DISC1: variants seen among roughly 807,000 people sequenced by gnomAD.
DISC1 encodes the protein DISC1 scaffold protein.
In DISC1, 57 loss-of-function variants were observed where a neutral mutation model predicts 84.5. That is an observed-to-expected ratio of 0.67 (90% CI 0.55 to 0.84). The LOEUF is 0.84. DISC1 is among the 40% of genes least tolerant of loss of function. The pLI, the probability that DISC1 is intolerant of heterozygous loss-of-function variation, is 0.00. For missense variants in DISC1, 1,000 were observed against 1,057.8 expected (o/e 0.95, Z 0.76); for synonymous variants, 411 against 415.2 (o/e 0.99, Z 0.12).
Position 231,626,842 on chromosome 1 carries a change from A to C in DISC1, c.-26A>C. 7.0e-7 allele frequency: 1 copy of C among 1,431,766 alleles called. No individual in the cohort carries two copies. Among genetic ancestry groups the C allele is most frequent in the Non-Finnish European group, 9.1e-7 (1 of 1,104,094 alleles). 88.7% of individuals were successfully genotyped at this position (1,431,766 alleles called of 1,614,324 possible). On this transcript the variant is annotated 5_prime_UTR_variant, in exon 1 of 13. Transcript: ENST00000439617. ...AAGGAGCAGGAGGCAGCCCAGGCGG[A>C]GCGGGAGGAGCTGGCAGCGGGGCGC...
chr1:231,814,127 A>G (rs1350007992), intron 8 of DISC1, among the ~76,000 whole-genome samples: 3 of 152,176 alleles, frequency 2.0e-5, no homozygotes, highest in Admixed American at 6.5e-5. Flanking sequence ...CATTTGTATC[A>G]GTTTGAAATC....
chr1:231,885,501 C>T (rs1412839344), intron 9 of DISC1, among the ~76,000 whole-genome samples: 1 of 152,142 alleles, frequency 6.6e-6, no homozygotes, highest in East Asian at 1.9e-4. Context: ...TATTCAAGCC[C>T]GATGTAGCCT....
chr1:231,790,144 A>G (rs2078218852), intron 6 of DISC1, among the ~76,000 whole-genome samples: 2 of 152,138 alleles, frequency 1.3e-5, no homozygotes, highest in Admixed American at 1.3e-4. Context: ...TCTGAAGAAA[A>G]CAAAAGAGTG....
chr1:231,689,109 A>G (rs1231101652), intron 1 of DISC1, among the ~76,000 whole-genome samples: 1 of 152,216 alleles, frequency 6.6e-6, no homozygotes, highest in East Asian at 1.9e-4. Flanking sequence ...CACCCCAACC[A>G]TGACAGATGG....
At chr1:231,659,772 G>A (rs2061423321) in intron 1 of DISC1, among the ~76,000 whole-genome samples, 1 of 152,176 alleles carries the variant, frequency 6.6e-6, no homozygotes, top group Non-Finnish European at 1.5e-5. Context: ...CAGTTTCCAT[G>A]TAGTTGTGTG....
Position 232,026,457 on chromosome 1 carries a change from A to T in DISC1, c.2330A>T (p.Glu777Val). ...CAGGAATCTTACATCCTTTCTGCAG[A>T]ACTTGGAGAAAAGTGTGAAGACATA... ...QKEESYILSAELGEKCEDIGK... is the reference protein window; with the variant it reads ...QKEESYILSAVLGEKCEDIGK... Residue 777 changes from glutamate to valine, a missense_variant, in exon 12 of 13, where the codon GAA becomes GTA. Around this residue, in one of 3 missense-constraint regions of DISC1, gnomAD observed 397 missense variants for 377.5 expected, o/e 1.05. Transcript: ENST00000439617. 6.2e-7 allele frequency: 1 copy of T among 1,605,764 alleles called. No homozygotes were observed. Among genetic ancestry groups the T allele is most frequent in the South Asian group, 1.1e-5 (1 of 88,970 alleles).
At chr1:231,678,492 C>A (rs1464150283) in intron 1 of DISC1, among the ~76,000 whole-genome samples, 1 of 152,190 alleles carries the variant, frequency 6.6e-6, no homozygotes, top group Non-Finnish European at 1.5e-5. Context: ...AGCATGAGTT[C>A]ATGTTCTCCA....
At chr1:231,856,763 C>T (rs1194332010) in intron 9 of DISC1, among the ~76,000 whole-genome samples, 1 of 152,152 alleles carries the variant, frequency 6.6e-6, no homozygotes, top group East Asian at 1.9e-4. Flanking sequence ...TCCTGCTGAA[C>T]CTATCATTGG....
At chr1:231,837,619 TATCTGC>T (rs2082718243) in intron 9 of DISC1, among the ~76,000 whole-genome samples, 2 of 152,202 alleles carry the variant, frequency 1.3e-5, no homozygotes, top group Non-Finnish European at 2.9e-5. Context: ...AAAAACTTAT[TATCTGC>T]ATGAAAGTAT....
At chr1:231,940,494 T>C (rs2091257474) in intron 9 of DISC1, among the ~76,000 whole-genome samples, 1 of 152,228 alleles carries the variant, frequency 6.6e-6, no homozygotes, top group Non-Finnish European at 1.5e-5. Flanking sequence ...AGATTTTAAA[T>C]GTCGTATTCT....
intron 2 of DISC1, among the ~76,000 whole-genome samples, chr1:231,697,340 T>C (rs1362615517): frequency 6.6e-6 from 1 of 152,256 alleles, no homozygotes; most frequent in Non-Finnish European, 1.5e-5. Flanking sequence ...AGATGGTTGA[T>C]CCTCAGTGTT....
intron 5 of DISC1, among the ~76,000 whole-genome samples, chr1:231,768,848 C>T (rs1317239914): frequency 2.6e-5 from 4 of 152,184 alleles, no homozygotes; most frequent in African/African-American, 9.7e-5. Flanking sequence ...GGAGTCTACT[C>T]ATTGAGAAGT....
At chr1:231,985,646 G>A (rs1199980041) in intron 10 of DISC1, among the ~76,000 whole-genome samples, 4 of 152,158 alleles carry the variant, frequency 2.6e-5, no homozygotes, top group Non-Finnish European at 5.9e-5. Context: ...ACAGGGAGAT[G>A]TTCAGTTTTG....
intron 9 of DISC1, among the ~76,000 whole-genome samples, chr1:231,872,009 T>C (rs749036466): frequency 1.4e-4 from 22 of 152,198 alleles, no homozygotes; most frequent in Non-Finnish European, 2.9e-4. Flanking sequence ...TGGCTTTCTC[T>C]TGGGGACTCT....
At chr1:231,789,616 T>G (rs1281362614) in intron 6 of DISC1, among the ~76,000 whole-genome samples, 1 of 152,180 alleles carries the variant, frequency 6.6e-6, no homozygotes, top group African/African-American at 2.4e-5. Flanking sequence ...AGATCAGTTA[T>G]CTTTAGAATA....
At chr1:231,737,258 T>C (rs1483345749) in intron 3 of DISC1, among the ~76,000 whole-genome samples, 1 of 152,386 alleles carries the variant, frequency 6.6e-6, no homozygotes, top group Middle Eastern at 3.4e-3. Flanking sequence ...CAATGCATTA[T>C]TTTGCCTACT....
intron 9 of DISC1, among the ~76,000 whole-genome samples, chr1:231,899,751 C>A (rs532334992): frequency 3.3e-4 from 50 of 152,076 alleles, no homozygotes; most frequent in Non-Finnish European, 4.6e-4. Flanking sequence ...TGTTTTCTGG[C>A]GAGTCTGTCG....
chr1:231,752,734 G>A (rs550856397), intron 4 of DISC1, among the ~76,000 whole-genome samples: 2 of 152,162 alleles, frequency 1.3e-5, no homozygotes, highest in East Asian at 1.9e-4. Context: ...CTGAGACAAG[G>A]CTAGTCCCTT....
intron 9 of DISC1, among the ~76,000 whole-genome samples, chr1:231,926,991 A>G (rs753971893): frequency 2.0e-5 from 3 of 152,248 alleles, no homozygotes; most frequent in African/African-American, 4.8e-5. Flanking sequence ...AGATAGTCCA[A>G]TGATGCTTTC....
Sources: gnomAD v4.1 joint callset for allele counts (sites outside exome capture counted in the v4.1 genomes callset) on GRCh38, gnomAD v4.1.1 for gene constraint, gnomAD v4.1.1 regional missense constraint, MANE v1.5 for transcripts, NCBI Gene and HGNC (gene_info 2026-07-23, HGNC 2026-07-21) for gene names.